ZBBX: variants seen among roughly 807,000 people sequenced by gnomAD.
The protein encoded by ZBBX is zinc finger B-box domain-containing protein 1.
ZBBX carries 101 observed loss-of-function variants against 108.5 expected under a neutral mutation model. That is an observed-to-expected ratio of 0.93 (90% CI 0.79 to 1.10). The LOEUF (loss-of-function observed/expected upper bound fraction) is 1.10. ZBBX is among the 50% of genes least tolerant of loss of function. The pLI is 0.00. For synonymous variants in ZBBX, 356 were observed against 323.4 expected (o/e 1.10, Z -1.08); for missense variants, 1,009 against 941.4 (o/e 1.07, Z -0.94).
the ZBBX span, among the ~76,000 whole-genome samples, chr3:167,196,141 T>G: frequency 6.6e-6 from 1 of 152,308 alleles, no homozygotes; most frequent in East Asian, 1.9e-4. Flanking sequence ...TTTCTTTAGC[T>G]ATTACAAAGG....
the ZBBX span, among the ~76,000 whole-genome samples, chr3:167,179,867 G>A: frequency 6.6e-6 from 1 of 152,150 alleles, no homozygotes. Flanking sequence ...TTTAGGAAAT[G>A]GTTATCGAGA....
At chr3:167,214,967 T>C in the ZBBX span, among the ~76,000 whole-genome samples, 4 of 152,198 alleles carry the variant, frequency 2.6e-5, no homozygotes, top group African/African-American at 9.6e-5. Flanking sequence ...TTTCAAAATC[T>C]CTGGGACACA....
chr3:167,270,645 G>A (rs558075606), intron 20 of ZBBX, among the ~76,000 whole-genome samples: 164 of 152,250 alleles, frequency 1.1e-3, no homozygotes, highest in South Asian at 1.9e-3. Flanking sequence ...CATCCACTCT[G>A]TTGCTGCTAT....
Position 167,359,959 on chromosome 3 carries a change from T to G in ZBBX, c.343A>C (p.Asn115His), listed in dbSNP as rs1423567691. The change falls in exon 8 of 22, where the codon AAT becomes CAT. Residue 115 changes from asparagine to histidine, a missense_variant. Physicochemically the swap from Asn to His is moderately conservative, Grantham distance 68. Transcript: ENST00000675490. ...TCTGAAGAATTTGCCATTTTATAAT[T>G]AACTGTTGGTTTCACTGGCTCTGCA... is the stretch of plus-strand genomic sequence containing the variant. ...QIQEPVKPTV[N>H]YKMANSSECE... 62 of 1,591,950 alleles carry G rather than the reference T, an allele frequency of 3.9e-5. No homozygotes were observed. The highest frequency in any genetic ancestry group is 5.3e-5 in the Non-Finnish European group (62 of 1,167,048).
At chr3:167,194,733 G>T in the ZBBX span, among the ~76,000 whole-genome samples, 1 of 152,240 alleles carries the variant, frequency 6.6e-6, no homozygotes, top group Non-Finnish European at 1.5e-5. Flanking sequence ...CCAACTGCTG[G>T]CTTGGGCTCC....
chr3:167,182,055 T>G, the ZBBX span, among the ~76,000 whole-genome samples: 1 of 152,210 alleles, frequency 6.6e-6, no homozygotes, highest in African/African-American at 2.4e-5. Flanking sequence ...TTTCCTTTCT[T>G]GCATTTTGGA....
At chr3:167,341,510 G>A (rs971845247) in intron 9 of ZBBX, among the ~76,000 whole-genome samples, 2 of 151,824 alleles carry the variant, frequency 1.3e-5, no homozygotes, top group Non-Finnish European at 2.9e-5. Context: ...TAACAACATT[G>A]GATTTTGGTT....
At chr3:167,394,080 TTCTC>T (rs1748159057) in intron 1 of ZBBX, among the ~76,000 whole-genome samples, 2 of 152,074 alleles carry the variant, frequency 1.3e-5, no homozygotes, top group African/African-American at 2.4e-5. Flanking sequence ...TTCCAATTCT[TTCTC>T]TATTTATATA....
At chr3:167,301,951 C>T (rs574981331) in intron 17 of ZBBX, among the ~76,000 whole-genome samples, 111 of 106,484 alleles carry the variant, frequency 1.0e-3, no homozygotes, top group African/African-American at 4.0e-3. Flanking sequence ...AGCAAGACTC[C>T]GTTAAAAAAA....
At chr3:167,375,054 A>T (rs1233344306) in intron 2 of ZBBX, among the ~76,000 whole-genome samples, 1 of 152,202 alleles carries the variant, frequency 6.6e-6, no homozygotes, top group African/African-American at 2.4e-5. Flanking sequence ...TTTATTCTGT[A>T]GCTAACAAGA....
chr3:167,239,450 C>A (rs1318185900), downstream of ZBBX, among the ~76,000 whole-genome samples: 1 of 151,820 alleles, frequency 6.6e-6, no homozygotes, highest in Non-Finnish European at 1.5e-5. Flanking sequence ...TTTTTTCTCG[C>A]CCTTCTCAGC....
intron 20 of ZBBX, among the ~76,000 whole-genome samples, chr3:167,258,789 T>C (rs1409530478): frequency 2.6e-5 from 4 of 152,218 alleles, no homozygotes; most frequent in Admixed American, 2.0e-4. Flanking sequence ...GACTTGATTA[T>C]GGCAAACCAT....
chr3:167,307,158 C>T (rs967406164), intron 16 of ZBBX, among the ~76,000 whole-genome samples: 8 of 146,320 alleles, frequency 5.5e-5, no homozygotes, highest in Non-Finnish European at 1.2e-4. Flanking sequence ...ATATAACAAA[C>T]CCAGAGCCAA....
At chr3:167,181,618 T>C in the ZBBX span, among the ~76,000 whole-genome samples, 4 of 152,208 alleles carry the variant, frequency 2.6e-5, no homozygotes, top group Admixed American at 2.6e-4. Context: ...GCCTTATTTG[T>C]GCTTCCAAAT....
At chr3:167,262,276 A>G (rs190917284) in intron 20 of ZBBX, among the ~76,000 whole-genome samples, 249 of 152,120 alleles carry the variant, frequency 1.6e-3, no homozygotes, top group African/African-American at 5.8e-3. Flanking sequence ...TCCTCTCAGG[A>G]TTTCTGGTTT....
chr3:167,184,935 C>A, the ZBBX span, among the ~76,000 whole-genome samples: 2 of 152,186 alleles, frequency 1.3e-5, no homozygotes, highest in East Asian at 3.8e-4. Context: ...TGGTATTATA[C>A]TGTAGCTTCA....
intron 20 of ZBBX, among the ~76,000 whole-genome samples, chr3:167,281,823 T>C (rs771796643): frequency 6.6e-6 from 1 of 152,210 alleles, no homozygotes; most frequent in Non-Finnish European, 1.5e-5. Flanking sequence ...GAATGATCTG[T>C]ATAAACATTT....
chr3:167,206,831 A>C, the ZBBX span, among the ~76,000 whole-genome samples: 1 of 152,150 alleles, frequency 6.6e-6, no homozygotes, highest in Non-Finnish European at 1.5e-5. Flanking sequence ...AAATGAATCC[A>C]ACCATATATA....
intron 20 of ZBBX, among the ~76,000 whole-genome samples, chr3:167,245,156 G>A (rs1047787349): frequency 2.0e-5 from 3 of 152,170 alleles, no homozygotes; most frequent in Non-Finnish European, 4.4e-5. Context: ...GCTCACGCCT[G>A]TAATCCCAGC....
Sources: allele counts gnomAD v4.1 joint callset (sites outside exome capture counted in the v4.1 genomes callset), GRCh38; gene constraint gnomAD v4.1.1; transcripts MANE v1.5; gene names NCBI Gene and HGNC (gene_info 2026-07-23, HGNC 2026-07-21).